Variants in CCDC85A observed in about 807,000 individuals in gnomAD.
CCDC85A encodes the protein coiled-coil domain containing 85A, also known as coiled-coil domain-containing protein 85A.
CCDC85A carries 38 observed loss-of-function variants against 50.2 expected under a neutral mutation model. That is an observed-to-expected ratio of 0.76 (90% confidence interval 0.58 to 0.99). The LOEUF (loss-of-function observed/expected upper bound fraction) is 0.99, where lower values mean the gene tolerates loss of function less well. Among genes scored for constraint, CCDC85A ranks in the 50% least tolerant of loss-of-function variants. CCDC85A has a pLI of 0.00. For missense variants in CCDC85A, 820 were observed against 742.0 expected (o/e 1.11, Z -1.22); for synonymous variants, 366 against 301.4 (o/e 1.21, Z -2.22).
intron 2 of CCDC85A, among the ~76,000 whole-genome samples, chr2:56,335,695 A>G (rs1674038120): frequency 6.6e-6 from 1 of 151,102 alleles, no homozygotes. Flanking sequence ...ACTGCCTCCC[A>G]GGATCAATCA....
intron 2 of CCDC85A, among the ~76,000 whole-genome samples, chr2:56,210,689 T>C (rs1025739092): frequency 1.3e-5 from 2 of 152,008 alleles, no homozygotes; most frequent in Admixed American, 1.3e-4. Context: ...GATTCCAGAA[T>C]TTCCATGTGT....
intron 2 of CCDC85A, among the ~76,000 whole-genome samples, chr2:56,330,650 A>C (rs1673740568): frequency 6.6e-6 from 1 of 152,182 alleles, no homozygotes. Context: ...GTGGAAGCTG[A>C]AACCACCAGG....
intron 2 of CCDC85A, among the ~76,000 whole-genome samples, chr2:56,308,916 A>C (rs1672564022): frequency 6.6e-6 from 1 of 152,166 alleles, no homozygotes; most frequent in South Asian, 2.1e-4. Flanking sequence ...ACCTTTTGTC[A>C]AGAGTGAGCT....
chr2:56,251,056 T>C (rs1365777010), intron 2 of CCDC85A, among the ~76,000 whole-genome samples: 1 of 152,212 alleles, frequency 6.6e-6, no homozygotes, highest in African/African-American at 2.4e-5. Flanking sequence ...TCTGACACTT[T>C]ATTACCTAGT....
chr2:56,357,954 A>G (rs1675320720), intron 3 of CCDC85A, among the ~76,000 whole-genome samples: 1 of 152,126 alleles, frequency 6.6e-6, no homozygotes, highest in Non-Finnish European at 1.5e-5. Context: ...CTTGATGATG[A>G]TTCCCATTCT....
chr2:56,375,854 C>T lies in CCDC85A; in HGVS notation c.1491C>T (p.Asn497=), dbSNP rs1247883522. The change falls in exon 5 of 6, where the codon AAC becomes AAT. Residue 497 remains asparagine (N), a synonymous_variant. Transcript: ENST00000407595. The part of the protein sequence containing the change: ...FRLSSGADGS[N]SSPNSAASFS... ...TGTCATCAGGGGCTGATGGGAGTAACAGTTCACCCAACTCTGCAGCTAGCT... is the reference window on the plus strand; with the variant it reads ...TGTCATCAGGGGCTGATGGGAGTAATAGTTCACCCAACTCTGCAGCTAGCT... 2.5e-6 allele frequency: 4 copies of T among 1,613,700 alleles called. No homozygotes were observed. The highest frequency in any genetic ancestry group is 2.5e-6 in the Non-Finnish European group (3 of 1,179,744).
At chr2:56,274,635 CA>C (rs1277170219) in intron 2 of CCDC85A, among the ~76,000 whole-genome samples, 2 of 152,186 alleles carry the variant, frequency 1.3e-5, no homozygotes, top group Admixed American at 6.5e-5. Flanking sequence ...AATACCTTCA[CA>C]GCAGCATCTA....
At chr2:56,341,441 A>G (rs1308656808) in intron 2 of CCDC85A, among the ~76,000 whole-genome samples, 4 of 152,156 alleles carry the variant, frequency 2.6e-5, no homozygotes, top group African/African-American at 7.2e-5. Context: ...CTCATGTTTG[A>G]CTAGCTACCT....
At chr2:56,258,404 A>G (rs1013475542) in intron 2 of CCDC85A, among the ~76,000 whole-genome samples, 3 of 152,168 alleles carry the variant, frequency 2.0e-5, no homozygotes, top group Non-Finnish European at 4.4e-5. Flanking sequence ...GTGTTTTTCC[A>G]TGTCAGCAGA....
At chr2:56,199,649 T>C (rs1676654543) in intron 2 of CCDC85A, among the ~76,000 whole-genome samples, 1 of 152,202 alleles carries the variant, frequency 6.6e-6, no homozygotes, top group Non-Finnish European at 1.5e-5. Context: ...CTTGCTGACC[T>C]CAGCAGGCCT....
intron 2 of CCDC85A, among the ~76,000 whole-genome samples, chr2:56,300,818 G>T (rs1558630527): frequency 6.6e-6 from 1 of 152,328 alleles, no homozygotes; most frequent in East Asian, 1.9e-4. Flanking sequence ...TGTGGGAACA[G>T]TGCTTTTACT....
At chr2:56,210,233 G>A (rs527287881) in intron 2 of CCDC85A, among the ~76,000 whole-genome samples, 21 of 152,110 alleles carry the variant, frequency 1.4e-4, no homozygotes, top group East Asian at 1.9e-4. Context: ...GCCAAATACC[G>A]TCACAGTCAT....
chr2:56,300,414 T>C (rs370858377), intron 2 of CCDC85A, among the ~76,000 whole-genome samples: 2 of 152,212 alleles, frequency 1.3e-5, no homozygotes, highest in South Asian at 4.1e-4. Flanking sequence ...GTTGGTAAGT[T>C]GACTTAGATA....
chr2:56,202,124 C>T (rs945522016), intron 2 of CCDC85A, among the ~76,000 whole-genome samples: 2 of 152,134 alleles, frequency 1.3e-5, no homozygotes, highest in African/African-American at 4.8e-5. Flanking sequence ...TATTGGAAAT[C>T]CCAGAAAATT....
chr2:56,363,345 C>A (rs1675630215), intron 3 of CCDC85A, among the ~76,000 whole-genome samples: 1 of 152,182 alleles, frequency 6.6e-6, no homozygotes. Flanking sequence ...TGGCTACTCT[C>A]GTTTCTGTAA....
intron 2 of CCDC85A, among the ~76,000 whole-genome samples, chr2:56,339,763 A>G (rs1674264938): frequency 6.6e-6 from 1 of 152,196 alleles, no homozygotes; most frequent in South Asian, 2.1e-4. Flanking sequence ...TTCCAGAGGA[A>G]AGAGCAGGGC....
At chr2:56,365,047 G>A (rs1375553831) in intron 3 of CCDC85A, among the ~76,000 whole-genome samples, 1 of 152,086 alleles carries the variant, frequency 6.6e-6, no homozygotes, top group Non-Finnish European at 1.5e-5. Context: ...TGCAACTCCT[G>A]CATGTCATGT....
intron 3 of CCDC85A, among the ~76,000 whole-genome samples, chr2:56,366,795 C>T (rs1329830487): frequency 1.3e-5 from 2 of 152,198 alleles, no homozygotes; most frequent in Admixed American, 6.5e-5. Context: ...GCCGAGGAGT[C>T]TGTACATAGG....
intron 2 of CCDC85A, among the ~76,000 whole-genome samples, chr2:56,203,213 G>A (rs1009913949): frequency 2.0e-5 from 3 of 152,152 alleles, no homozygotes; most frequent in African/African-American, 4.8e-5. Context: ...TATGAAGAGA[G>A]TACATTTATA....
Sources: gnomAD v4.1 joint callset for allele counts (sites outside exome capture counted in the v4.1 genomes callset) on GRCh38, gnomAD v4.1.1 for gene constraint, MANE v1.5 for transcripts, NCBI Gene and HGNC (gene_info 2026-07-23, HGNC 2026-07-21) for gene names.